Variants in RELN observed in about 807,000 individuals in gnomAD.
RELN encodes reelin.
A neutral mutation model predicts 427.6 loss-of-function variants in RELN; 108 were observed. The observed-to-expected ratio is 0.25, with a 90% confidence interval of 0.22 to 0.30. The LOEUF is 0.30. RELN is among the 10% of genes least tolerant of loss of function. The pLI is 1.00. For synonymous variants in RELN, 1,524 were observed against 1,513.4 expected (o/e 1.01, Z -0.16); for missense variants, 3,715 against 4,302.8 (o/e 0.86, Z 3.82).
intron 1 of RELN, among the ~76,000 whole-genome samples, chr7:103,959,225 G>A (rs893117220): frequency 6.6e-6 from 1 of 152,118 alleles, no homozygotes; most frequent in Non-Finnish European, 1.5e-5. Flanking sequence ...TTACAGGCTC[G>A]AGCCATCATG....
chr7:103,561,459 T>C (rs1486877702), intron 36 of RELN, 73 bp downstream of exon 36: 1 of 1,130,240 alleles, frequency 8.8e-7, no homozygotes, highest in Non-Finnish European at 1.4e-6. Flanking sequence ...AGAAATCCAT[T>C]TGTGTTGAGC....
At chr7:103,675,243 A>G (rs1448263483) in intron 11 of RELN, among the ~76,000 whole-genome samples, 2 of 152,206 alleles carry the variant, frequency 1.3e-5, no homozygotes, top group Non-Finnish European at 2.9e-5. Context: ...TATATCAATA[A>G]TAGATAAGAA....
intron 10 of RELN, 113 bp downstream of exon 10, chr7:103,697,740 T>C: frequency 6.9e-7 from 1 of 1,454,398 alleles, no homozygotes; most frequent in Non-Finnish European, 9.5e-7. Flanking sequence ...ATCTGGTCCT[T>C]TAATAGTGGT....
chr7:103,750,913 T>G (rs775465598), intron 5 of RELN, among the ~76,000 whole-genome samples: 1 of 152,216 alleles, frequency 6.6e-6, no homozygotes, highest in South Asian at 2.1e-4. Context: ...TAGAAGAACT[T>G]TGGGCATGTC....
At chr7:103,954,302 T>C (rs1796391059) in intron 1 of RELN, among the ~76,000 whole-genome samples, 1 of 152,126 alleles carries the variant, frequency 6.6e-6, no homozygotes, top group Non-Finnish European at 1.5e-5. Context: ...GTGTAATTCA[T>C]ATCCTGCTTC....
chr7:103,694,053 T>C (rs1833927185), intron 10 of RELN, among the ~76,000 whole-genome samples: 1 of 152,172 alleles, frequency 6.6e-6, no homozygotes, highest in South Asian at 2.1e-4. Context: ...TGGGCTGCAC[T>C]TGCTAAACTG....
chr7:103,483,844 G>T lies in RELN; in HGVS notation c.9990C>A (p.Ile3330=), dbSNP rs140101375. 3.1e-6 allele frequency: 5 copies of T among 1,613,662 alleles called. No homozygotes were observed. The African/African-American group carries it at 5.3e-5, about 17-fold the overall frequency. ...TGCTCCCAATTTGCAAAACAAACAT[G>T]ATTTTGCTGAAAAACACAGGGAAAT... ...KPLDLTRASK[I]MFVLQIGSMS... The change falls in exon 62 of 65, where the codon ATC becomes ATA. Residue 3330 remains isoleucine (I), a synonymous_variant. Coordinates refer to ENST00000428762, the MANE Select transcript of RELN (RefSeq NM_005045.4).
intron 57 of RELN, among the ~76,000 whole-genome samples, chr7:103,495,020 G>C (rs1828793168): frequency 6.6e-6 from 1 of 152,096 alleles, no homozygotes; most frequent in Non-Finnish European, 1.5e-5. Context: ...TTACAGAGTA[G>C]AGATAGAAGT....
chr7:103,871,550 C>G (rs1423664805), intron 2 of RELN, among the ~76,000 whole-genome samples: 1 of 152,104 alleles, frequency 6.6e-6, no homozygotes, highest in East Asian at 1.9e-4. Context: ...GGAAGCATGA[C>G]CACTTTGCCT....
chr7:103,691,261 G>T (rs1291733638), intron 10 of RELN, among the ~76,000 whole-genome samples: 3 of 151,988 alleles, frequency 2.0e-5, no homozygotes, highest in Non-Finnish European at 4.4e-5. Context: ...GAAACTATTT[G>T]GTCTTATATC....
intron 10 of RELN, among the ~76,000 whole-genome samples, chr7:103,695,402 C>T (rs1337918915): frequency 1.3e-5 from 2 of 151,622 alleles, no homozygotes; most frequent in Non-Finnish European, 2.9e-5. Flanking sequence ...GATTTTTTTT[C>T]CCTTAATAGA....
chr7:103,863,140 A>C (rs1378177387), intron 2 of RELN, among the ~76,000 whole-genome samples: 1 of 152,192 alleles, frequency 6.6e-6, no homozygotes, highest in Non-Finnish European at 1.5e-5. Flanking sequence ...CGCCACCAGC[A>C]ATGATCAGCT....
rs932735760 is a variant in RELN at position 103,888,762 on chromosome 7, C to G, written c.337+28313G>C. ...CACAGGCCTGCACCAAAGCAGAAGACTTGGCAAGCACAACATGAGCCAGAT... is the reference window on the plus strand; with the variant it reads ...CACAGGCCTGCACCAAAGCAGAAGAGTTGGCAAGCACAACATGAGCCAGAT... On this transcript the variant is annotated intron_variant, in intron 2 of 64. Coordinates refer to ENST00000428762, the MANE Select transcript of RELN (RefSeq NM_005045.4). Among the ~76,000 whole-genome samples the G allele has an allele frequency of 3.5e-4, 54 of 152,304 alleles. 2 individuals carry two copies. Among genetic ancestry groups the G allele is most frequent in the South Asian group, 2.1e-4 (1 of 4,830 alleles).
At chr7:103,858,315 T>A (rs1410457550) in intron 2 of RELN, among the ~76,000 whole-genome samples, 1 of 152,222 alleles carries the variant, frequency 6.6e-6, no homozygotes, top group Non-Finnish European at 1.5e-5. Flanking sequence ...AATAAGTCAG[T>A]ATAAGCAAAA....
chr7:103,724,515 T>C (rs1445600574), intron 7 of RELN, among the ~76,000 whole-genome samples: 1 of 152,200 alleles, frequency 6.6e-6, no homozygotes, highest in Non-Finnish European at 1.5e-5. Flanking sequence ...TTAAATGTAC[T>C]GAAGAGTCTT....
intron 55 of RELN, 49 bp from the exon 56 acceptor site, chr7:103,496,817 C>T (rs751851460): frequency 2.9e-5 from 46 of 1,603,132 alleles, no homozygotes; most frequent in Non-Finnish European, 3.4e-5. Flanking sequence ...AATCTCCTGC[C>T]TCCTCATAAA....
intron 52 of RELN, among the ~76,000 whole-genome samples, chr7:103,502,373 A>T (rs1420840071): frequency 6.6e-6 from 1 of 152,238 alleles, no homozygotes; most frequent in African/African-American, 2.4e-5. Context: ...TCTGATTAAT[A>T]CAGTCTAGGT....
At chr7:103,505,078 A>G (rs1357350299) in intron 51 of RELN, among the ~76,000 whole-genome samples, 1 of 152,208 alleles carries the variant, frequency 6.6e-6, no homozygotes, top group Non-Finnish European at 1.5e-5. Context: ...TCAGGGACTT[A>G]TAGATAAAAC....
At chr7:103,807,480 G>T (rs746863816) in intron 3 of RELN, among the ~76,000 whole-genome samples, 20 of 152,182 alleles carry the variant, frequency 1.3e-4, no homozygotes, top group Non-Finnish European at 2.9e-4. Flanking sequence ...TTTAGTTTAG[G>T]TTCAGGGTAT....
Sources: allele counts gnomAD v4.1 joint callset (sites outside exome capture counted in the v4.1 genomes callset), GRCh38; gene constraint gnomAD v4.1.1; transcripts MANE v1.5; gene names NCBI Gene and HGNC (gene_info 2026-07-23, HGNC 2026-07-21).